GALNTL6: variants seen among roughly 807,000 people sequenced by gnomAD.
GALNTL6 encodes the protein polypeptide N-acetylgalactosaminyltransferase like 6, also known as polypeptide N-acetylgalactosaminyltransferase-like 6.
Under a neutral mutation model 73.7 loss-of-function variants are expected in GALNTL6, and 46 were observed. The observed-to-expected ratio is 0.62, with a 90% CI of 0.49 to 0.80. GALNTL6 has a LOEUF of 0.80. Among genes scored for constraint, GALNTL6 ranks in the 30% least tolerant of loss-of-function variants. The probability of loss-of-function intolerance (pLI) is 0.00; values close to 1 mark genes in which losing one functional copy is unlikely to be tolerated. For synonymous variants in GALNTL6, 259 were observed against 263.7 expected (o/e 0.98, Z 0.17); for missense variants, 604 against 755.0 (o/e 0.80, Z 2.34).
chr4:172,436,951 T>A (rs972808836), intron 5 of GALNTL6, among the ~76,000 whole-genome samples: 17 of 151,794 alleles, frequency 1.1e-4, no homozygotes, highest in African/African-American at 2.9e-4. Context: ...ATATGCTTTT[T>A]AAAACTTTTT....
intron 3 of GALNTL6, 60 bp downstream of exon 3, chr4:172,229,824 C>T (rs1196294442): frequency 1.4e-5 from 14 of 976,770 alleles, no homozygotes; most frequent in Middle Eastern, 4.2e-4. Context: ...TCATTTGTCA[C>T]GTAAAGGATC....
intron 5 of GALNTL6, among the ~76,000 whole-genome samples, chr4:172,353,481 T>C (rs1262748687): frequency 1.3e-5 from 2 of 152,168 alleles, no homozygotes; most frequent in East Asian, 3.9e-4. Context: ...TAACGTTAAT[T>C]GTTATATTTC....
chr4:171,964,341 AC>A (rs2111052338), intron 2 of GALNTL6, among the ~76,000 whole-genome samples: 1 of 152,192 alleles, frequency 6.6e-6, no homozygotes, highest in South Asian at 2.1e-4. Flanking sequence ...CATTCAATAT[AC>A]TTTTATTAGG....
At chr4:172,395,552 A>G (rs1488223948) in intron 5 of GALNTL6, among the ~76,000 whole-genome samples, 3 of 152,132 alleles carry the variant, frequency 2.0e-5, no homozygotes, top group Non-Finnish European at 4.4e-5. Flanking sequence ...GGAGTATATA[A>G]CACGTTTAGA....
intron 3 of GALNTL6, among the ~76,000 whole-genome samples, chr4:172,264,224 C>A (rs1356166083): frequency 6.6e-6 from 1 of 151,304 alleles, no homozygotes; most frequent in Non-Finnish European, 1.5e-5. Flanking sequence ...TATTCACCTT[C>A]TCCTTTTCTC....
intron 10 of GALNTL6, among the ~76,000 whole-genome samples, chr4:172,980,706 T>G (rs999894259): frequency 1.3e-5 from 2 of 152,160 alleles, no homozygotes; most frequent in East Asian, 3.9e-4. Flanking sequence ...TAGGACTCCA[T>G]CCTTATGACC....
At chr4:172,483,172 T>G (rs1224032305) in intron 5 of GALNTL6, among the ~76,000 whole-genome samples, 1 of 152,156 alleles carries the variant, frequency 6.6e-6, no homozygotes, top group Non-Finnish European at 1.5e-5. Context: ...TTTGTGGGTT[T>G]TTTGGAGCAC....
At chr4:172,036,535 G>T (rs569550726) in intron 2 of GALNTL6, among the ~76,000 whole-genome samples, 1 of 152,030 alleles carries the variant, frequency 6.6e-6, no homozygotes, top group African/African-American at 2.4e-5. Flanking sequence ...ACAGTTATTC[G>T]ATACTCACTG....
chr4:172,618,846 C>A (rs1356934755), intron 5 of GALNTL6, among the ~76,000 whole-genome samples: 6 of 152,222 alleles, frequency 3.9e-5, no homozygotes, highest in African/African-American at 1.2e-4. Flanking sequence ...GCCTTAGCCT[C>A]CCAAGTAGCT....
chr4:172,237,017 C>A (rs971951438), intron 3 of GALNTL6, among the ~76,000 whole-genome samples: 1 of 152,292 alleles, frequency 6.6e-6, no homozygotes, highest in South Asian at 2.1e-4. Context: ...GTCTCCAGCT[C>A]CATCCATGTT....
intron 7 of GALNTL6, among the ~76,000 whole-genome samples, chr4:172,843,605 T>A (rs888471531): frequency 1.3e-5 from 2 of 152,186 alleles, no homozygotes; most frequent in African/African-American, 4.8e-5. Flanking sequence ...AAAATAGCAG[T>A]CATTTGGCTT....
intron 5 of GALNTL6, among the ~76,000 whole-genome samples, chr4:172,790,146 G>T (rs1403568598): frequency 6.6e-6 from 1 of 152,224 alleles, no homozygotes; most frequent in Non-Finnish European, 1.5e-5. Context: ...TTCATCCAGG[G>T]CGTCTGCAGA....
At chr4:172,558,650 C>T (rs1031854082) in intron 5 of GALNTL6, among the ~76,000 whole-genome samples, 13 of 151,976 alleles carry the variant, frequency 8.6e-5, no homozygotes, top group Admixed American at 2.6e-4. Context: ...TTTAAGCCAC[C>T]GAGTCTGTGC....
At chr4:172,841,255 G>A (rs372607977) in intron 7 of GALNTL6, among the ~76,000 whole-genome samples, 3 of 152,138 alleles carry the variant, frequency 2.0e-5, no homozygotes, top group South Asian at 2.1e-4. Flanking sequence ...ATAGAATGGC[G>A]AAGATTTGAC....
chr4:172,224,109 A>G (rs538362756), intron 2 of GALNTL6, among the ~76,000 whole-genome samples: 5 of 152,208 alleles, frequency 3.3e-5, no homozygotes, highest in Non-Finnish European at 7.4e-5. Context: ...TAACTCAACT[A>G]TCTATAAAAA....
chr4:172,562,173 A>C (rs956883658), intron 5 of GALNTL6, among the ~76,000 whole-genome samples: 3 of 152,128 alleles, frequency 2.0e-5, no homozygotes, highest in Non-Finnish European at 2.9e-5. Flanking sequence ...TTCTAACAAC[A>C]GCCTCTCCAG....
intron 9 of GALNTL6, among the ~76,000 whole-genome samples, chr4:172,947,581 A>AC (rs1561049853): frequency 0.041 from 2,777 of 67,166 alleles, 87 homozygotes; most frequent in African/African-American, 0.11. Context: ...CCCCTTGATA[A>AC]ATTTTTTTTT....
chr4:172,346,245 A>G (rs1741735282), intron 4 of GALNTL6, among the ~76,000 whole-genome samples: 2 of 152,240 alleles, frequency 1.3e-5, no homozygotes. Flanking sequence ...AGATGTGTAT[A>G]TGATATATGA....
intron 2 of GALNTL6, among the ~76,000 whole-genome samples, chr4:172,141,486 G>A (rs1733795907): frequency 6.6e-6 from 1 of 151,884 alleles, no homozygotes; most frequent in Non-Finnish European, 1.5e-5. Context: ...TAACAACATT[G>A]ATTATTTTAA....
Sources: gnomAD v4.1 joint callset for allele counts (sites outside exome capture counted in the v4.1 genomes callset) on GRCh38, gnomAD v4.1.1 for gene constraint, MANE v1.5 for transcripts, NCBI Gene and HGNC (gene_info 2026-07-23, HGNC 2026-07-21) for gene names.